The following MAP3K2 variants were observed in gnomAD, a reference collection of about 807,000 sequenced individuals.
MAP3K2 encodes MAP/ERK kinase kinase 2.
A neutral mutation model predicts 80.3 loss-of-function variants in MAP3K2; 24 were observed. That is an observed-to-expected ratio of 0.30 (90% CI 0.22 to 0.42). The LOEUF is 0.42. Among genes scored for constraint, MAP3K2 ranks in the 10% least tolerant of loss-of-function variants. MAP3K2 has a pLI of 1.00. For synonymous variants in MAP3K2, 244 were observed against 253.7 expected (o/e 0.96, Z 0.36); for missense variants, 608 against 750.1 (o/e 0.81, Z 2.21).
chr2:127,379,686 G>T (rs1020987004), intron 1 of MAP3K2, among the ~76,000 whole-genome samples: 17 of 152,038 alleles, frequency 1.1e-4, no homozygotes, highest in Non-Finnish European at 1.5e-5. Flanking sequence ...AAATGTCAAA[G>T]AATGTTTTTA....
intron 1 of MAP3K2, among the ~76,000 whole-genome samples, chr2:127,353,416 C>G (rs1239600621): frequency 2.6e-5 from 4 of 151,054 alleles, no homozygotes; most frequent in Non-Finnish European, 4.4e-5. Context: ...GGAGACCCTC[C>G]GCCCGGCAGC....
chr2:127,388,077 G>T (rs1687411671), upstream of MAP3K2: 2 of 984,048 alleles, frequency 2.0e-6, no homozygotes, highest in South Asian at 4.7e-5. Context: ...CCGGCCCAGG[G>T]GAGTGGGTCG....
Position 127,339,031 on chromosome 2 carries a change from G to T in MAP3K2, c.24C>A (p.Asn8Lys). The T allele has an allele frequency of 6.2e-7, 1 of 1,610,118 alleles. No homozygotes were observed. Residue 8 changes from asparagine (N) to lysine (K), a missense_variant, in exon 3 of 17, where the codon AAC (asparagine) becomes AAA (lysine). Physicochemically the swap from Asn to Lys is moderately conservative, Grantham distance 94. This residue lies in a region of MAP3K2 where 467 missense variants were observed against 521.9 expected (regional missense o/e 0.89). Coordinates refer to ENST00000682094, the MANE Select transcript of MAP3K2 (RefSeq NM_001371910.2). This position sits in a 1 kb window ranked among gnomAD's most constrained non-coding sequence, Gnocchi z 4.2. ...GGACAGCCAAATCTTGCATGATTGAGTTCAAAGCTTGCTGATCATCTAGGT... is the reference window on the plus strand; with the variant it reads ...GGACAGCCAAATCTTGCATGATTGATTTCAAAGCTTGCTGATCATCTAGGT... MDDQQAL[N>K]SIMQDLAVLH...
intron 1 of MAP3K2, among the ~76,000 whole-genome samples, chr2:127,385,388 ATTT>A (rs2104909837): frequency 6.6e-6 from 1 of 152,332 alleles, no homozygotes; most frequent in African/African-American, 2.4e-5. Flanking sequence ...GCAATAAATA[ATTT>A]TTTAATTAAG....
At chr2:127,385,318 C>A (rs1687324704) in intron 1 of MAP3K2, among the ~76,000 whole-genome samples, 1 of 152,144 alleles carries the variant, frequency 6.6e-6, no homozygotes, top group South Asian at 2.1e-4. Flanking sequence ...GGAGGCAAGA[C>A]CCTCCACCAG....
In MAP3K2 at chr2:127,305,583, C is replaced by T. The variant is rs1168687214; in HGVS notation, c.*1996G>A. 3 of 152,106 alleles carry T rather than the reference C, an allele frequency of 2.0e-5. No individual in the cohort carries two copies. Among genetic ancestry groups the T allele is most frequent in the African/African-American group, 7.2e-5 (3 of 41,446 alleles). The allele number at this position is 152,106 out of a possible 1,614,324, so 9.4% of individuals were successfully genotyped here. A position where few individuals can be genotyped will look rare whatever the true frequency, so the allele number is the denominator to read the frequency against. On this transcript the variant is annotated 3_prime_UTR_variant, in exon 17 of 17. Coordinates refer to ENST00000682094, the MANE Select transcript of MAP3K2 (RefSeq NM_001371910.2). ...GTAAAAGAGTCCCTAAATAAGCACA[C>T]CTTTTGGCAGAAAATAAGAATACCT...
intron 5 of MAP3K2, among the ~76,000 whole-genome samples, chr2:127,333,706 A>G (rs939621628): frequency 7.2e-5 from 11 of 152,174 alleles, no homozygotes; most frequent in African/African-American, 2.7e-4. Flanking sequence ...CCAAAATATA[A>G]TGGTAGAACC....
At chr2:127,354,757 G>T (rs949747311) in intron 1 of MAP3K2, among the ~76,000 whole-genome samples, 4 of 152,014 alleles carry the variant, frequency 2.6e-5, no homozygotes, top group African/African-American at 9.7e-5. Context: ...AGGAAAATGT[G>T]AGCCAGTCAA....
chr2:127,346,345 T>A (rs1686594339), intron 1 of MAP3K2, among the ~76,000 whole-genome samples: 1 of 140,892 alleles, frequency 7.1e-6, no homozygotes, highest in South Asian at 2.3e-4. Flanking sequence ...ATGAAAAATT[T>A]CTCACAAATA....
intron 8 of MAP3K2, among the ~76,000 whole-genome samples, 166 bp downstream of exon 8, chr2:127,326,521 A>G (rs1454634455): frequency 6.6e-6 from 1 of 152,202 alleles, no homozygotes; most frequent in African/African-American, 2.4e-5. Context: ...ATACAGGCAC[A>G]TGTAAATTAA....
intron 5 of MAP3K2, among the ~76,000 whole-genome samples, chr2:127,333,015 A>C (rs1003913158): frequency 1.3e-5 from 2 of 151,826 alleles, no homozygotes; most frequent in African/African-American, 4.8e-5. Flanking sequence ...CTGTAGTCCC[A>C]GCTACTTAGA....
At chr2:127,345,817 TAAAAATGAA>T (rs1686586356) in intron 1 of MAP3K2, among the ~76,000 whole-genome samples, 2 of 152,030 alleles carry the variant, frequency 1.3e-5, no homozygotes, top group Admixed American at 6.5e-5. Context: ...TACTTTGAGA[TAAAAATGAA>T]AACACATCAA....
rs149199278 is a variant in MAP3K2 at position 127,336,281 on chromosome 2, C to G, written c.165-312G>C. Among the ~76,000 whole-genome samples the G allele has an allele frequency of 2.3e-3, 353 of 152,248 alleles. 1 individual carries two copies. Among genetic ancestry groups the G allele is most frequent in the African/African-American group, 7.7e-3 (320 of 41,542 alleles). ...CAATGCAAAATGTTTATTCAGGAAA[C>G]TGATTAAACTTAACTATGTGACATC... On this transcript the variant is annotated intron_variant, in intron 4 of 16. Transcript: ENST00000682094.
chr2:127,379,169 T>C (rs1053911740), intron 1 of MAP3K2, among the ~76,000 whole-genome samples: 2 of 152,052 alleles, frequency 1.3e-5, no homozygotes, highest in Non-Finnish European at 2.9e-5. Flanking sequence ...AATGTATCAT[T>C]TGTATTCCCC....
At chr2:127,388,194 C>G, upstream of MAP3K2, 2 of 985,210 alleles carry the variant, frequency 2.0e-6, no homozygotes, top group Non-Finnish European at 2.4e-6. Flanking sequence ...GGCCCCGCCC[C>G]CGCCCCTGCC....
intron 1 of MAP3K2, among the ~76,000 whole-genome samples, chr2:127,347,183 T>C (rs1392799111): frequency 6.6e-6 from 1 of 152,024 alleles, no homozygotes; most frequent in Non-Finnish European, 1.5e-5. Flanking sequence ...GCCAGGAATA[T>C]GGGGATGTCC....
intron 1 of MAP3K2, among the ~76,000 whole-genome samples, chr2:127,387,089 A>G (rs1687366053): frequency 1.3e-5 from 2 of 152,316 alleles, no homozygotes; most frequent in African/African-American, 4.8e-5. Flanking sequence ...TTACATCAAA[A>G]GATTACCACA....
intron 1 of MAP3K2, among the ~76,000 whole-genome samples, chr2:127,377,689 A>T (rs1409987363): frequency 6.6e-6 from 1 of 152,230 alleles, no homozygotes; most frequent in African/African-American, 2.4e-5. Context: ...CACAGTAGAC[A>T]ATCAAATATT....
At chr2:127,352,505 A>G (rs72845996) in intron 1 of MAP3K2, among the ~76,000 whole-genome samples, 5,170 of 152,224 alleles carry the variant, frequency 0.034, 127 homozygotes, top group Middle Eastern at 0.071. Context: ...TTTTCATTCT[A>G]TTGAGTCTCT....
Sources: allele counts gnomAD v4.1 joint callset (sites outside exome capture counted in the v4.1 genomes callset), GRCh38; gene constraint gnomAD v4.1.1; regional missense constraint gnomAD v4.1.1; non-coding constraint Gnocchi (gnomAD v3.1); transcripts MANE v1.5; gene names NCBI Gene and HGNC (gene_info 2026-07-23, HGNC 2026-07-21).